The following C10orf90 variants were observed in gnomAD, a reference collection of about 807,000 sequenced individuals.
C10orf90 encodes the protein chromosome 10 open reading frame 90.
C10orf90 carries 56 observed loss-of-function variants against 62.5 expected under a neutral mutation model. The observed-to-expected ratio is 0.90, with a 90% CI of 0.72 to 1.12. C10orf90 has a LOEUF of 1.12. C10orf90 is among the 50% of genes most tolerant of loss of function. C10orf90 has a pLI of 0.00. For synonymous variants in C10orf90, 386 were observed against 340.4 expected (o/e 1.13, Z -1.47); for missense variants, 970 against 880.4 (o/e 1.10, Z -1.29).
chr10:126,482,342 C>T (rs1339656949), intron 4 of C10orf90, among the ~76,000 whole-genome samples: 1 of 152,190 alleles, frequency 6.6e-6, no homozygotes, highest in East Asian at 1.9e-4. Context: ...TTGAGTGCAG[C>T]ATAGCCTAGT....
At chr10:126,522,072 C>A (rs1382623586) in intron 2 of C10orf90, among the ~76,000 whole-genome samples, 2 of 152,042 alleles carry the variant, frequency 1.3e-5, no homozygotes, top group Non-Finnish European at 2.9e-5. Flanking sequence ...AGTTCGAGAC[C>A]AGCCTGACCA....
intron 7 of C10orf90, among the ~76,000 whole-genome samples, chr10:126,448,689 G>A (rs1439536085): frequency 6.6e-6 from 1 of 152,006 alleles, no homozygotes; most frequent in Non-Finnish European, 1.5e-5. Context: ...AATGAAAGAG[G>A]AGACATGAAA....
chr10:126,496,756 C>G (rs1357657473), intron 4 of C10orf90: 1 of 968,078 alleles, frequency 1.0e-6, no homozygotes, highest in Non-Finnish European at 1.2e-6. Context: ...GGAAACACAT[C>G]AAGCACTTAA....
intron 2 of C10orf90, among the ~76,000 whole-genome samples, chr10:126,549,044 A>C (rs1286630647): frequency 6.6e-6 from 1 of 152,222 alleles, no homozygotes. Flanking sequence ...TGAATGTAAA[A>C]CTATAAATAT....
intron 4 of C10orf90, among the ~76,000 whole-genome samples, chr10:126,475,878 C>G (rs1455303907): frequency 2.6e-5 from 4 of 152,046 alleles, no homozygotes; most frequent in African/African-American, 9.7e-5. Flanking sequence ...CACAGAATCC[C>G]CTTTCTAATA....
chr10:126,469,512 A>G (rs1198270373), intron 4 of C10orf90, among the ~76,000 whole-genome samples: 1 of 152,144 alleles, frequency 6.6e-6, no homozygotes, highest in Non-Finnish European at 1.5e-5. Flanking sequence ...AATCTGGGCC[A>G]TCTTACAACC....
chr10:126,607,828 C>T (rs1845345979), intron 2 of C10orf90, among the ~76,000 whole-genome samples: 1 of 152,086 alleles, frequency 6.6e-6, no homozygotes, highest in Non-Finnish European at 1.5e-5. Context: ...TCATATTCAC[C>T]TCATAACTTT....
At chr10:126,605,496 G>A (rs780725778) in intron 2 of C10orf90, among the ~76,000 whole-genome samples, 24 of 152,168 alleles carry the variant, frequency 1.6e-4, no homozygotes, top group Admixed American at 1.1e-3. Flanking sequence ...AGGCCCCTGC[G>A]CCCCTGCATG....
At chr10:126,664,505 A>T (rs1846585907) in intron 1 of C10orf90, among the ~76,000 whole-genome samples, 1 of 152,106 alleles carries the variant, frequency 6.6e-6, no homozygotes. Flanking sequence ...AAGAGAAGAA[A>T]ATTGCCAAGG....
intron 2 of C10orf90, among the ~76,000 whole-genome samples, chr10:126,642,360 G>A (rs897013839): frequency 6.6e-5 from 10 of 152,080 alleles, no homozygotes; most frequent in East Asian, 3.9e-4. Flanking sequence ...GTGAAACCCC[G>A]TCTCTACTAA....
chr10:126,589,848 T>C (rs186520766), intron 2 of C10orf90, among the ~76,000 whole-genome samples: 1 of 152,248 alleles, frequency 6.6e-6, no homozygotes, highest in African/African-American at 2.4e-5. Context: ...AATTCACATA[T>C]AGCAATATTA....
rs772395034 is a variant in C10orf90, at chr10:126,465,012, C to T, written c.1535-26G>A. On this transcript the variant is annotated intron_variant, in intron 4 of 9. Coordinates refer to ENST00000488181, the MANE Select transcript of C10orf90 (RefSeq NM_001350921.2). The stretch of plus-strand genomic sequence containing the variant: ...CTAAAAATAAAACGAGAGTTGTGCT[C>T]AAAATCTCTTATGAATCCAATCTAA... 1.4e-5 allele frequency: 23 copies of T among 1,588,254 alleles called. No homozygotes were observed. In the South Asian group the frequency reaches 2.6e-4, roughly 18 times the overall value.
intron 2 of C10orf90, among the ~76,000 whole-genome samples, chr10:126,617,187 T>C (rs1193403011): frequency 6.6e-6 from 1 of 152,220 alleles, no homozygotes; most frequent in Non-Finnish European, 1.5e-5. Context: ...TCTTTAGCTT[T>C]CCCAAACTAC....
Position 126,464,858 on chromosome 10 carries a change from C to G in C10orf90, c.1663G>C (p.Asp555His). 6.2e-7 allele frequency: 1 copy of G among 1,614,170 alleles called. No individual in the cohort carries two copies. The highest frequency in any genetic ancestry group is 8.5e-7 in the Non-Finnish European group (1 of 1,180,034). ...FLPIGDSSPS[D>H]DCLSRDLSEP... ...GAAAGGTCTCTAGACAGACAGTCAT[C>G]GCTTGGAGAGCTATCCCCAATGGGA... is the stretch of plus-strand genomic sequence containing the variant. The change falls in exon 5 of 10, where the codon GAT becomes CAT. Residue 555 changes from aspartate (D) to histidine (H), a missense_variant. Transcript: ENST00000488181.
At chr10:126,580,074 G>A (rs575748944) in intron 2 of C10orf90, among the ~76,000 whole-genome samples, 2 of 152,290 alleles carry the variant, frequency 1.3e-5, no homozygotes, top group East Asian at 3.9e-4. Context: ...CATTTCCTAA[G>A]GGTAGACCCC....
intron 2 of C10orf90, among the ~76,000 whole-genome samples, chr10:126,516,143 C>T (rs1863426710): frequency 6.6e-6 from 1 of 152,216 alleles, no homozygotes; most frequent in African/African-American, 2.4e-5. Flanking sequence ...CCCAGGCCGA[C>T]CTACAGTGGA....
chr10:126,652,444 G>A (rs1345750589), intron 1 of C10orf90, among the ~76,000 whole-genome samples: 1 of 152,158 alleles, frequency 6.6e-6, no homozygotes, highest in Non-Finnish European at 1.5e-5. Context: ...TTGTTTTCAA[G>A]GGTGGTGGCT....
At chr10:126,435,557 C>G (rs779235985) in intron 7 of C10orf90, among the ~76,000 whole-genome samples, 1 of 152,152 alleles carries the variant, frequency 6.6e-6, no homozygotes, top group African/African-American at 2.4e-5. Context: ...AGCCACAAGC[C>G]TCCCCAGATC....
intron 2 of C10orf90, among the ~76,000 whole-genome samples, chr10:126,557,828 C>T (rs546588566): frequency 2.0e-5 from 3 of 152,162 alleles, no homozygotes; most frequent in African/African-American, 7.2e-5. Context: ...CAAATTGCCT[C>T]CATGGGGCTG....
Sources: allele counts gnomAD v4.1 joint callset (sites outside exome capture counted in the v4.1 genomes callset), GRCh38; gene constraint gnomAD v4.1.1; transcripts MANE v1.5; gene names NCBI Gene and HGNC (gene_info 2026-07-23, HGNC 2026-07-21).